HR: variants seen among roughly 807,000 people sequenced by gnomAD.
The protein encoded by HR is HR lysine demethylase and nuclear receptor corepressor.
In HR, 83 loss-of-function variants were observed where a neutral mutation model predicts 128.6. That is an observed-to-expected ratio of 0.65 (90% CI 0.54 to 0.77). The LOEUF (loss-of-function observed/expected upper bound fraction) is 0.77. HR is among the 30% of genes least tolerant of loss of function. The pLI is 0.00. For synonymous variants in HR, 681 were observed against 658.2 expected (o/e 1.03, Z -0.53); for missense variants, 1,490 against 1,574.6 (o/e 0.95, Z 0.91).
chr8:22,115,935 G>C (rs1309167456), intron 18 of HR, among the ~76,000 whole-genome samples, 173 bp from the exon 19 acceptor site: 1 of 151,960 alleles, frequency 6.6e-6, no homozygotes, highest in Non-Finnish European at 1.5e-5. Flanking sequence ...GTTCAAGACC[G>C]GTCTGGCCAA....
intron 1 of HR, 24 bp from the exon 2 acceptor site, chr8:22,129,234 G>A: frequency 6.7e-7 from 1 of 1,503,650 alleles, no homozygotes; most frequent in Non-Finnish European, 8.9e-7. Context: ...ATCAAAGCAT[G>A]AGCTTCTGGG....
intron 9 of HR, 112 bp downstream of exon 9, chr8:22,121,501 G>GT: frequency 1.8e-6 from 2 of 1,130,306 alleles, no homozygotes; most frequent in Non-Finnish European, 2.7e-6. Flanking sequence ...ATTATTGGGG[G>GT]TGGGGGGGAG....
chr8:22,120,338 T>C lies in HR; in HGVS notation c.2776+4A>G, dbSNP rs1161532958. The C allele has an allele frequency of 3.7e-6, 6 of 1,613,598 alleles. No individual in the cohort carries two copies. The highest frequency in any genetic ancestry group is 5.1e-6 in the Non-Finnish European group (6 of 1,179,972). Reference sequence around the variant, plus strand: ...TCCCTCTCCCCTGTGTTGGGGACACTTACGCTCAGGCCAGGAGAAGCCCTC... The same window carrying C: ...TCCCTCTCCCCTGTGTTGGGGACACCTACGCTCAGGCCAGGAGAAGCCCTC... On this transcript the variant is annotated splice_donor_region_variant and intron_variant, in intron 12 of 18. Coordinates refer to ENST00000381418, the MANE Select transcript of HR (RefSeq NM_005144.5).
chr8:22,128,031 C>T (rs559195834), intron 2 of HR: 22 of 650,040 alleles, frequency 3.4e-5, no homozygotes, highest in East Asian at 1.9e-4. Context: ...ATTTCTCAGA[C>T]GTCCCCACAA....
At position 22,115,344 on chromosome 8, in the gene HR, T is replaced by A. The variant is rs751048614; in HGVS notation, c.*356A>T. On this transcript the variant is annotated 3_prime_UTR_variant, in exon 19 of 19. Transcript: ENST00000381418. ...CGGGAGTGAGCAGCAGGAGGAGGTG[T>A]TGTTTAAGCCAGAATGATTCCCAAG... 7.7e-5 allele frequency: 32 copies of A among 416,742 alleles called. No individual in the cohort carries two copies. Among genetic ancestry groups the A allele is most frequent in the Non-Finnish European group, 1.2e-4 (26 of 223,380 alleles). The allele number at this position is 416,742 out of a possible 1,614,324, so 25.8% of individuals were successfully genotyped here.
rs748271794 is a variant in HR, at chr8:22,120,548, G to C, written c.2611-41C>G. The stretch of plus-strand genomic sequence containing the variant: ...AAGGAGGCCATGAGGAGAATGGCCA[G>C]GGTGCCCGCCATGGCCAGGCAAGGG... On this transcript the variant is annotated intron_variant, in intron 11 of 18. Coordinates refer to ENST00000381418, the MANE Select transcript of HR (RefSeq NM_005144.5). 1.9e-6 allele frequency: 3 copies of C among 1,610,806 alleles called. No homozygotes were observed. In the Admixed American group the frequency reaches 5.0e-5, roughly 27 times the overall value.
In HR at chr8:22,128,598, GC is replaced by G; in HGVS notation, c.572del (p.Gly191AlafsTer11). On this transcript the variant is annotated frameshift_variant, in exon 2 of 19. Transcript: ENST00000381418. LOFTEE classifies it high-confidence loss of function. ...TGAAGGCAGAGGGCACTTTGGGCTGGCCCCCGGAGTATACCCAGGGGTGCGG... is the reference window on the plus strand; with the variant it reads ...TGAAGGCAGAGGGCACTTTGGGCTGGCCCCGGAGTATACCCAGGGGTGCGG... ...LTPHPWVYSG[G>X]QPKVPSAFSL... 6.2e-7 allele frequency: 1 copy of G among 1,609,076 alleles called. No homozygotes were observed. The highest frequency in any genetic ancestry group is 8.5e-7 in the Non-Finnish European group (1 of 1,178,542).
intron 1 of HR, 31 bp from the exon 2 acceptor site, chr8:22,129,241 T>G: frequency 6.7e-7 from 1 of 1,495,576 alleles, no homozygotes; most frequent in East Asian, 2.3e-5. Flanking sequence ...CATGAGCTTC[T>G]GGGGCACATG....
Position 22,122,871 on chromosome 8 carries a change from C to G in HR, c.1924G>C (p.Glu642Gln), listed in dbSNP as rs1239627801. Residue 642 changes from glutamate to glutamine, a missense_variant, in exon 7 of 19, where the codon GAG becomes CAG. Physicochemically the swap from Glu to Gln is conservative, Grantham distance 29 (BLOSUM62 2). Transcript: ENST00000381418. ...GRAREKAGFQ[E>Q]QSAEECTQEA... ...TGCGTGCACTCCTCCGCGGACTGCT[C>G]CTGAAAGCCTGTGGGGCAGGAAGGG... The G allele has an allele frequency of 1.3e-6, 2 of 1,552,492 alleles. No individual in the cohort carries two copies. Among genetic ancestry groups the G allele is most frequent in the East Asian group, 2.4e-5 (1 of 41,008 alleles).
Position 22,129,116 on chromosome 8 carries a change from G to A in HR, c.55C>T (p.Pro19Ser). The stretch of plus-strand genomic sequence containing the variant: ...TCCTGTCTCACGATGCCGTTCTCTG[G>A]GGCCGTCTTCTCCCAGGTTGGGGTG... ...KGTPTWEKTA[P>S]ENGIVRQEPG... Residue 19 changes from proline (P) to serine (S), a missense_variant, in exon 2 of 19, where the codon CCA (proline) becomes TCA (serine). This residue lies in a region of HR where 1,060 missense variants were observed against 1,060.9 expected (regional missense o/e 1.00). Transcript: ENST00000381418. The A allele has an allele frequency of 6.4e-7, 1 of 1,565,928 alleles. No homozygotes were observed. Among genetic ancestry groups the A allele is most frequent in the South Asian group, 1.2e-5 (1 of 81,762 alleles).
At chr8:22,119,678 T>C (rs1408567304) in intron 14 of HR, 82 bp downstream of exon 14, 1 of 1,490,198 alleles carries the variant, frequency 6.7e-7, no homozygotes, top group Non-Finnish European at 9.0e-7. Context: ...CCCAGGGCCT[T>C]GGCACAGACG....
intron 8 of HR, 120 bp downstream of exon 8, chr8:22,122,373 A>C (rs779783269): frequency 4.2e-6 from 3 of 706,576 alleles, no homozygotes; most frequent in Non-Finnish European, 7.3e-6. Context: ...GGTGGGAATT[A>C]GCCTGATCCC....
chr8:22,122,379 A>C (rs1358520080), intron 8 of HR, 114 bp downstream of exon 8: 16 of 735,752 alleles, frequency 2.2e-5, no homozygotes, highest in Admixed American at 5.0e-5. Context: ...AATTAGCCTG[A>C]TCCCACAGGC....
At chr8:22,121,800 A>G (rs1826762507) in intron 8 of HR, 106 bp from the exon 9 acceptor site, 2 of 1,200,266 alleles carry the variant, frequency 1.7e-6, no homozygotes. Flanking sequence ...TGTCAGTCCT[A>G]AAATCGTGTT....
rs915848259 is a variant in HR at position 22,120,904 on chromosome 8, T to C, written c.2422A>G (p.Lys808Glu). The C allele has an allele frequency of 6.4e-7, 1 of 1,559,880 alleles. No homozygotes were observed. Among genetic ancestry groups the C allele is most frequent in the African/African-American group, 1.4e-5 (1 of 73,612 alleles). ...DSIIAQVVERKIQEKALGPGL... is the reference protein window; with the variant it reads ...DSIIAQVVEREIQEKALGPGL... ...GGCCCCAGGGCTTTCTCCTGGATCT[T>C]CCGTTCCACCACCTGTGCGATAATG... The change falls in exon 11 of 19, where the codon AAG becomes GAG. Residue 808 changes from lysine (K) to glutamate (E), a missense_variant. Lys to Glu is a moderately conservative substitution (Grantham distance 56). Transcript: ENST00000381418.
intron 2 of HR, 41 bp from the exon 3 acceptor site, chr8:22,127,870 C>A (rs1378026918): frequency 1.3e-6 from 2 of 1,572,372 alleles, no homozygotes; most frequent in Admixed American, 1.7e-5. Flanking sequence ...CTGACTTGGG[C>A]TCCCCATGCC....
intron 9 of HR, 129 bp from the exon 10 acceptor site, chr8:22,121,357 C>A (rs925436907): frequency 8.2e-6 from 10 of 1,224,374 alleles, no homozygotes; most frequent in Non-Finnish European, 1.2e-5. Context: ...CATCCCCCAC[C>A]TCAGCTCTGC....
Position 22,120,859 on chromosome 8 carries a change from C to T in HR, c.2467G>A (p.Gly823Ser), listed in dbSNP as rs76547188. 4,791 of 1,551,938 alleles carry T rather than the reference C, an allele frequency of 3.1e-3. 103 individuals are homozygous for T. In the African/African-American group the frequency reaches 0.053, roughly 17 times the overall value. Residue 823 changes from glycine (G) to serine (S), a missense_variant, in exon 11 of 19, where the codon GGT (glycine) becomes AGT (serine). By Grantham distance (56) the Gly-to-Ser change is moderately conservative (BLOSUM62 0). Transcript: ENST00000381418. ...ALGPGLRAGPGLRKGLGLPLS... is the reference protein window; with the variant it reads ...ALGPGLRAGPSLRKGLGLPLS... Reference sequence around the variant, plus strand: ...GGCAGGCCCAGGCCCTTGCGCAGACCCGGGCCAGCTCGAAGCCCCGGCCCC... The same window carrying T: ...GGCAGGCCCAGGCCCTTGCGCAGACTCGGGCCAGCTCGAAGCCCCGGCCCC...
chr8:22,117,330 C>T, intron 16 of HR: 1 of 422,268 alleles, frequency 2.4e-6, no homozygotes, highest in Non-Finnish European at 4.2e-6. Flanking sequence ...GCCTCTGTGA[C>T]CTCGGCCCCT....
Sources: gnomAD v4.1 joint callset for allele counts (sites outside exome capture counted in the v4.1 genomes callset) on GRCh38, gnomAD v4.1.1 for gene constraint, gnomAD v4.1.1 regional missense constraint, MANE v1.5 for transcripts, NCBI Gene and HGNC (gene_info 2026-07-23, HGNC 2026-07-21) for gene names.